Variants in SLC27A1 observed in about 807,000 individuals in gnomAD.
SLC27A1 encodes long-chain fatty acid transport protein 1.
Under a neutral mutation model 62.2 loss-of-function variants are expected in SLC27A1, and 61 were observed. The observed-to-expected ratio is 0.98, with a 90% CI of 0.80 to 1.21. The LOEUF (loss-of-function observed/expected upper bound fraction) is 1.21. Among genes scored for constraint, SLC27A1 ranks in the 50% most tolerant of loss-of-function variants. SLC27A1 has a pLI of 0.00. For synonymous variants in SLC27A1, 435 were observed against 408.6 expected (o/e 1.06, Z -0.78); for missense variants, 903 against 932.1 (o/e 0.97, Z 0.41).
At position 17,489,041 on chromosome 19, in the gene SLC27A1, A is replaced by C; in HGVS notation, c.920A>C (p.Tyr307Ser). The change falls in exon 6 of 12, where the codon TAT becomes TCT. Residue 307 changes from tyrosine to serine, a missense_variant. Physicochemically the swap from Tyr to Ser is moderately radical, Grantham distance 144. Coordinates refer to ENST00000252595, the MANE Select transcript of SLC27A1 (RefSeq NM_198580.3). The stretch of plus-strand genomic sequence containing the variant: ...ATCGGCGTGGGGCAGTGTCTCATCT[A>C]TGGGCTGACAGTCGTCCTCCGCAAG... ...NIIGVGQCLI[Y>S]GLTVVLRKKF... 6.2e-7 allele frequency: 1 copy of C among 1,613,980 alleles called. No individual in the cohort carries two copies. The highest frequency in any genetic ancestry group is 8.5e-7 in the Non-Finnish European group (1 of 1,179,982).
In SLC27A1 at chr19:17,505,298, C is replaced by T; in HGVS notation, c.*686C>T. 1 of 185,216 alleles carries T rather than the reference C, an allele frequency of 5.4e-6. No individual in the cohort carries two copies. Among genetic ancestry groups the T allele is most frequent in the Non-Finnish European group, 1.1e-5 (1 of 87,030 alleles). 11.5% of individuals were successfully genotyped at this position (185,216 alleles called of 1,614,324 possible). A position where few individuals can be genotyped will look rare whatever the true frequency, so the allele number is the denominator to read the frequency against. ...TTTGGGGACTGCAGGAATCATCTCC[C>T]CTGGGCCCTGGACTCGGACTGGGGC... On this transcript the variant is annotated 3_prime_UTR_variant, in exon 12 of 12. Transcript: ENST00000252595.
chr19:17,482,240 C>T (rs1035147311), intron 1 of SLC27A1, among the ~76,000 whole-genome samples: 6 of 152,140 alleles, frequency 3.9e-5, no homozygotes, highest in African/African-American at 1.4e-4. Context: ...AAGTGCCCGC[C>T]GGGCGCAGTG....
In SLC27A1 at chr19:17,497,418, A is replaced by G. The variant is rs1273301523; in HGVS notation, c.1160A>G (p.Tyr387Cys). 1 of 1,603,598 alleles carries G rather than the reference A, an allele frequency of 6.2e-7. No homozygotes were observed. Among genetic ancestry groups the G allele is most frequent in the South Asian group, 1.1e-5 (1 of 89,760 alleles). ...RFGVRQIGEF[Y>C]GATECNCSIA... ...GGCGTACGCCAAATCGGGGAGTTCT[A>G]CGGCGCCACCGAGTGCAACTGCAGC... The change falls in exon 7 of 12, where the codon TAC (tyrosine) becomes TGC (cysteine). Residue 387 changes from tyrosine to cysteine, a missense_variant. Physicochemically the swap from Tyr to Cys is radical, Grantham distance 194. Transcript: ENST00000252595.
rs763369343 is a variant in SLC27A1 at position 17,487,168 on chromosome 19, C to A, written c.563-6C>A. On this transcript the variant is annotated splice_polypyrimidine_tract_variant and splice_region_variant and intron_variant, in intron 2 of 11. Transcript: ENST00000252595. ...GTGACCATGACCCATGTGTTGGGGA[C>A]CACAGCGGTGGCCGAAGTGAGCGGG... 1 of 1,613,960 alleles carries A rather than the reference C, an allele frequency of 6.2e-7. No homozygotes were observed. The highest frequency in any genetic ancestry group is 1.1e-5 in the South Asian group (1 of 91,068).
Position 17,500,717 on chromosome 19 carries a change from G to A in SLC27A1, c.1477G>A (p.Val493Met), listed in dbSNP as rs764202120. The A allele has an allele frequency of 8.7e-6, 14 of 1,614,026 alleles. No homozygotes were observed. The highest frequency in any genetic ancestry group is 4.5e-5 in the East Asian group (2 of 44,902). ...GCCCCTCTCCCCTCTGCCAGGTGAC[G>A]TGCTAGTGATGGATGAGCTGGGCTA... ...KGDSAYLSGDVLVMDELGYMY... is the reference protein window; with the variant it reads ...KGDSAYLSGDMLVMDELGYMY... The change falls in exon 10 of 12, where the codon GTG becomes ATG. Residue 493 changes from valine to methionine, a missense_variant. Transcript: ENST00000252595.
At chr19:17,501,802 C>CAAA (rs71162147) in intron 11 of SLC27A1, among the ~76,000 whole-genome samples, 136 of 66,090 alleles carry the variant, frequency 2.1e-3, no homozygotes, top group African/African-American at 9.1e-3. Flanking sequence ...TACTCTGTCT[C>CAAA]AAAAAAAAAA....
At position 17,486,965 on chromosome 19, in the gene SLC27A1, C is replaced by T. The variant is rs1043863024; in HGVS notation, c.562+8C>T. On this transcript the variant is annotated splice_region_variant and intron_variant, in intron 2 of 11. Transcript: ENST00000252595. The surrounding 1 kb of genome is among the most constrained non-coding windows in gnomAD (Gnocchi z 6.6). Reference sequence around the variant, plus strand: ...GAGGAGAAATGGTGGCGGGTGAGGCCAGGCGTGGGCATCAGGTGGGCGGGG... The same window carrying T: ...GAGGAGAAATGGTGGCGGGTGAGGCTAGGCGTGGGCATCAGGTGGGCGGGG... 5.8e-6 allele frequency: 9 copies of T among 1,559,234 alleles called. No individual in the cohort carries two copies. In the East Asian group the frequency reaches 6.8e-5, roughly 12 times the overall value.
At chr19:17,487,633 C>T in intron 4 of SLC27A1, 104 bp downstream of exon 4, 2 of 1,175,608 alleles carry the variant, frequency 1.7e-6, no homozygotes, top group Non-Finnish European at 1.2e-6. Context: ...CCATGTTACC[C>T]TGGGGACAGA....
chr19:17,470,163 G>A (rs536641227), upstream of SLC27A1, among the ~76,000 whole-genome samples: 75 of 152,246 alleles, frequency 4.9e-4, no homozygotes, highest in African/African-American at 1.6e-3. Flanking sequence ...AGGTGGACAT[G>A]CTGGCTCTGG....
At position 17,487,495 on chromosome 19, in the gene SLC27A1, G is replaced by A. The variant is rs1335903526; in HGVS notation, c.760G>A (p.Gly254Arg). The change falls in exon 4 of 12, where the codon GGG becomes AGG. Residue 254 changes from glycine (G) to arginine (R), a missense_variant. By Grantham distance (125) the Gly-to-Arg change is moderately radical. Coordinates refer to ENST00000252595, the MANE Select transcript of SLC27A1 (RefSeq NM_198580.3). ...LFYIYTSGTT[G>R]LPKAAIVVHS... ...CTACATCTACACGTCGGGGACCACC[G>A]GGCTGCCCAAGGCTGCCATTGTCGT... 5.7e-6 allele frequency: 9 copies of A among 1,586,926 alleles called. No homozygotes were observed. The highest frequency in any genetic ancestry group is 1.1e-5 in the South Asian group (1 of 90,332).
At chr19:17,501,116 G>A (rs1267109714) in intron 10 of SLC27A1, among the ~76,000 whole-genome samples, 157 bp from the exon 11 acceptor site, 1 of 152,222 alleles carries the variant, frequency 6.6e-6, no homozygotes, top group Non-Finnish European at 1.5e-5. Context: ...GAGCCAAGCA[G>A]GAGCTCCACA....
intron 1 of SLC27A1, among the ~76,000 whole-genome samples, chr19:17,473,140 C>T (rs1318835542): frequency 6.6e-6 from 1 of 152,060 alleles, no homozygotes; most frequent in African/African-American, 2.4e-5. Context: ...GCCACGTTGC[C>T]CAGGCTAGTC....
intron 6 of SLC27A1, 69 bp from the exon 7 acceptor site, chr19:17,497,186 T>C: frequency 7.5e-7 from 1 of 1,332,202 alleles, no homozygotes; most frequent in Non-Finnish European, 1.0e-6. Flanking sequence ...GGTCTCGGGG[T>C]CTCTCCTCTG....
chr19:17,500,307 C>G lies in SLC27A1; in HGVS notation c.1236C>G (p.Ile412Met). 1 of 1,614,238 alleles carries G rather than the reference C, an allele frequency of 6.2e-7. No homozygotes were observed. Among genetic ancestry groups the G allele is most frequent in the Non-Finnish European group, 8.5e-7 (1 of 1,180,020 alleles). Residue 412 changes from isoleucine (I) to methionine (M), a missense_variant, in exon 8 of 12, where the codon ATC (isoleucine) becomes ATG (methionine). Ile to Met is a conservative substitution (Grantham distance 10). Coordinates refer to ENST00000252595, the MANE Select transcript of SLC27A1 (RefSeq NM_198580.3). ...KVGSCGFNSR[I>M]LPHVYPIRLV... ...GCTCCTGTGGTTTCAACAGCCGCAT[C>G]CTGCCCCACGTGTACCCCATCCGGC...
At chr19:17,481,964 G>A (rs904878501) in intron 1 of SLC27A1, among the ~76,000 whole-genome samples, 3 of 152,160 alleles carry the variant, frequency 2.0e-5, no homozygotes, top group Admixed American at 1.3e-4. Context: ...CCCTTAGATC[G>A]GGCTGGGGCC....
intron 6 of SLC27A1, among the ~76,000 whole-genome samples, chr19:17,495,027 C>T (rs1325806408): frequency 6.6e-6 from 1 of 150,490 alleles, no homozygotes; most frequent in Non-Finnish European, 1.5e-5. Flanking sequence ...GGCTGGAGTA[C>T]AATAGAGCGA....
Position 17,487,234 on chromosome 19 carries a change from T to C in SLC27A1, c.623T>C (p.Leu208Ser), listed in dbSNP as rs1443185816. The change falls in exon 3 of 12, where the codon TTG (leucine) becomes TCG (serine). Residue 208 changes from leucine to serine, a missense_variant. Physicochemically the swap from Leu to Ser is moderately radical, Grantham distance 145 (BLOSUM62 -2). Transcript: ENST00000252595. ...TTGATCAAGTTCTGCTCTGGAGACT[T>C]GGGGCCCGAGGGCATCTTGCCGGAC... Reference protein sequence around the residue: ...KSLIKFCSGDLGPEGILPDTH... With the variant: ...KSLIKFCSGDSGPEGILPDTH... 1.9e-6 allele frequency: 3 copies of C among 1,614,016 alleles called. No homozygotes were observed. The highest frequency in any genetic ancestry group is 2.5e-6 in the Non-Finnish European group (3 of 1,179,960).
At chr19:17,503,101 A>C (rs908998358) in intron 11 of SLC27A1, among the ~76,000 whole-genome samples, 7 of 152,178 alleles carry the variant, frequency 4.6e-5, no homozygotes, top group African/African-American at 1.7e-4. Context: ...AAGCCATCAA[A>C]TCTCGTGAGA....
At chr19:17,472,478 C>T (rs1023024760) in intron 1 of SLC27A1, among the ~76,000 whole-genome samples, 1 of 152,076 alleles carries the variant, frequency 6.6e-6, no homozygotes, top group Non-Finnish European at 1.5e-5. Flanking sequence ...TCCCAGCCTC[C>T]GCTTACTTCC....
Sources: allele counts gnomAD v4.1 joint callset (sites outside exome capture counted in the v4.1 genomes callset), GRCh38; gene constraint gnomAD v4.1.1; non-coding constraint Gnocchi (gnomAD v3.1); transcripts MANE v1.5; gene names NCBI Gene and HGNC (gene_info 2026-07-23, HGNC 2026-07-21).